TFDP2: variants seen among roughly 807,000 people sequenced by gnomAD.
The protein encoded by TFDP2 is transcription factor Dp-2, also known as transcription factor Dp-2 (E2F dimerization partner 2).
In TFDP2, 17 loss-of-function variants were observed where a neutral mutation model predicts 59.3. The observed-to-expected ratio is 0.29, with a 90% CI of 0.20 to 0.43. The LOEUF is 0.43. TFDP2 is among the 20% of genes least tolerant of loss of function. TFDP2 has a pLI of 1.00. For missense variants in TFDP2, 391 were observed against 528.8 expected, an observed-to-expected ratio of 0.74 and a Z score of 2.56; for synonymous variants, 180 against 194.7, an observed-to-expected ratio of 0.92 and a Z score of 0.63.
chr3:141,966,025 G>A (rs2107927360), intron 9 of TFDP2, among the ~76,000 whole-genome samples: 1 of 152,012 alleles, frequency 6.6e-6, no homozygotes. Context: ...TGCCACAAGA[G>A]GACCCTGGTA....
chr3:142,103,237 CA>C lies in TFDP2; in HGVS notation c.-92-1397del, dbSNP rs1010814271. On this transcript the variant is annotated intron_variant, in intron 1 of 12. Transcript: ENST00000489671. ...TGGGAAACAGAAAGAGACTCCTTCTCAAAAAAAATTAAATAAATAAAAAATT... is the reference window on the plus strand; with the variant it reads ...TGGGAAACAGAAAGAGACTCCTTCTCAAAAAAATTAAATAAATAAAAAATT... 9.2e-4 allele frequency among the ~76,000 whole-genome samples: 137 copies of C among 149,214 alleles called. 1 individual carries two copies. Among genetic ancestry groups the C allele is most frequent in the African/African-American group, 3.3e-3 (133 of 40,498 alleles).
At chr3:141,995,919 T>C (rs1173702153) in intron 4 of TFDP2, among the ~76,000 whole-genome samples, 1 of 151,236 alleles carries the variant, frequency 6.6e-6, no homozygotes, top group Admixed American at 6.6e-5. Flanking sequence ...AGTATTCATG[T>C]TATTAAATAC....
chr3:141,986,741 G>A (rs1942144077), intron 6 of TFDP2, among the ~76,000 whole-genome samples: 1 of 152,150 alleles, frequency 6.6e-6, no homozygotes, highest in South Asian at 2.1e-4. Context: ...CAAAATGACT[G>A]TACCAGTTTT....
chr3:141,961,693 C>T (rs952895438), intron 10 of TFDP2, among the ~76,000 whole-genome samples: 1 of 152,148 alleles, frequency 6.6e-6, no homozygotes, highest in African/African-American at 2.4e-5. Context: ...CTTTTTGAAA[C>T]TGGCAAGGTA....
At chr3:142,025,750 C>T (rs1320347949) in intron 3 of TFDP2, among the ~76,000 whole-genome samples, 1 of 152,082 alleles carries the variant, frequency 6.6e-6, no homozygotes, top group Non-Finnish European at 1.5e-5. Context: ...TTAAGATAAG[C>T]AAAATGTACA....
chr3:141,971,779 A>C (rs1939802677), intron 8 of TFDP2, among the ~76,000 whole-genome samples: 1 of 152,204 alleles, frequency 6.6e-6, no homozygotes, highest in Non-Finnish European at 1.5e-5. Flanking sequence ...CCTTACAAGG[A>C]AAGTGACATT....
intron 1 of TFDP2, among the ~76,000 whole-genome samples, chr3:142,117,732 C>T (rs1322332210): frequency 2.6e-5 from 4 of 152,002 alleles, no homozygotes; most frequent in African/African-American, 9.7e-5. Flanking sequence ...TGGGGGAGAA[C>T]CAGGTATACA....
intron 2 of TFDP2, among the ~76,000 whole-genome samples, chr3:142,099,066 A>G (rs2061247586): frequency 6.6e-6 from 1 of 152,252 alleles, no homozygotes; most frequent in Non-Finnish European, 1.5e-5. Flanking sequence ...GAGAAAATTT[A>G]AAATGTACAT....
chr3:142,069,372 C>T (rs1044376311), intron 3 of TFDP2, among the ~76,000 whole-genome samples: 1 of 152,152 alleles, frequency 6.6e-6, no homozygotes, highest in Non-Finnish European at 1.5e-5. Flanking sequence ...CAATACTTTA[C>T]TATTACATAT....
chr3:142,042,575 G>C (rs1947038265), intron 3 of TFDP2, among the ~76,000 whole-genome samples: 1 of 151,220 alleles, frequency 6.6e-6, no homozygotes, highest in Admixed American at 6.6e-5. Context: ...TGGGATTACA[G>C]GTGTGAGCCA....
chr3:142,060,976 T>C lies in TFDP2; in HGVS notation c.82+32085A>G, dbSNP rs530907837. 7.2e-5 allele frequency among the ~76,000 whole-genome samples: 11 copies of C among 152,298 alleles called. No homozygotes were observed. In the East Asian group the frequency reaches 9.6e-4, roughly 13 times the overall value. On this transcript the variant is annotated intron_variant, in intron 3 of 12. Transcript: ENST00000489671. ...TTTTCATATGAGAACGTCTTTAATT[T>C]TTATAGCTGAAGCCAACAGGAAAAT...
chr3:142,088,582 G>A (rs2060887476), intron 3 of TFDP2, among the ~76,000 whole-genome samples: 1 of 149,930 alleles, frequency 6.7e-6, no homozygotes, highest in Admixed American at 6.7e-5. Flanking sequence ...AATTATAGGT[G>A]TGAGCCACTG....
intron 5 of TFDP2, among the ~76,000 whole-genome samples, chr3:141,993,820 AC>A (rs1441058995): frequency 6.6e-6 from 1 of 152,246 alleles, no homozygotes; most frequent in Non-Finnish European, 1.5e-5. Flanking sequence ...AGAGGAAAAC[AC>A]TGCAGACTTG....
chr3:142,140,328 G>C (rs906196206), intron 1 of TFDP2, among the ~76,000 whole-genome samples: 2 of 152,068 alleles, frequency 1.3e-5, no homozygotes, highest in African/African-American at 4.8e-5. Flanking sequence ...GCTCAGAGAA[G>C]TTTGTTATTA....
intron 1 of TFDP2, among the ~76,000 whole-genome samples, chr3:142,141,531 C>CA (rs1365511044): frequency 1.3e-5 from 2 of 152,102 alleles, no homozygotes; most frequent in African/African-American, 4.8e-5. Flanking sequence ...CTTTTAAAGT[C>CA]AAAAGAACAT....
chr3:141,969,439 C>G (rs750377079), intron 9 of TFDP2, among the ~76,000 whole-genome samples: 3 of 150,570 alleles, frequency 2.0e-5, no homozygotes, highest in Non-Finnish European at 4.4e-5. Context: ...GGTGAAACCC[C>G]GTCTCTACTA....
intron 3 of TFDP2, among the ~76,000 whole-genome samples, chr3:142,005,928 T>C (rs1362994631): frequency 6.6e-6 from 1 of 151,854 alleles, no homozygotes; most frequent in Non-Finnish European, 1.5e-5. Flanking sequence ...ACAGAACAAA[T>C]AATATACTTG....
chr3:142,035,817 C>T (rs1946670911), intron 3 of TFDP2, among the ~76,000 whole-genome samples: 1 of 152,208 alleles, frequency 6.6e-6, no homozygotes, highest in Non-Finnish European at 1.5e-5. Flanking sequence ...ACATGACTTG[C>T]TCCTTCTTGC....
chr3:142,012,810 T>C (rs959879724), intron 3 of TFDP2, among the ~76,000 whole-genome samples: 1 of 152,096 alleles, frequency 6.6e-6, no homozygotes, highest in Admixed American at 6.6e-5. Context: ...TAAAAAAACA[T>C]TTTATGAAGA....
Sources: gnomAD v4.1 joint callset for allele counts (sites outside exome capture counted in the v4.1 genomes callset) on GRCh38, gnomAD v4.1.1 for gene constraint, MANE v1.5 for transcripts, NCBI Gene and HGNC (gene_info 2026-07-23, HGNC 2026-07-21) for gene names.